Variants in C8orf34 observed in about 807,000 individuals in gnomAD.
The protein encoded by C8orf34 is chromosome 8 open reading frame 34.
C8orf34 carries 65 observed loss-of-function variants against 68.3 expected under a neutral mutation model. That is an observed-to-expected ratio of 0.95 (90% CI 0.78 to 1.17). C8orf34 has a LOEUF of 1.17. Ranked by LOEUF, C8orf34 falls within the 50% of genes most tolerant of loss-of-function variation. The pLI is 0.00. For synonymous variants in C8orf34, 244 were observed against 241.2 expected (o/e 1.01, Z -0.11); for missense variants, 664 against 655.4 (o/e 1.01, Z -0.14).
In C8orf34 at chr8:68,488,048, T is replaced by C. The variant is rs1159639052; in HGVS notation, c.762T>C (p.Asp254=). The change falls in exon 5 of 14, where the codon GAT becomes GAC. Residue 254 remains aspartate (D), a synonymous_variant. Coordinates refer to ENST00000518698, the MANE Select transcript of C8orf34 (RefSeq NM_052958.4). ...SRSIAISDEL[D]KETVTFNSSL... is the part of the protein sequence containing the mutation. Reference sequence around the variant, plus strand: ...GTATTGCAATTTCAGATGAACTCGATAAGGTAAGTTGAACTATACATCTGG... The same window carrying C: ...GTATTGCAATTTCAGATGAACTCGACAAGGTAAGTTGAACTATACATCTGG... The C allele has an allele frequency of 6.9e-6, 11 of 1,592,038 alleles. No homozygotes were observed. The highest frequency in any genetic ancestry group is 2.7e-5 in the African/African-American group (2 of 73,982).
At chr8:68,478,299 C>T (rs973347434) in intron 4 of C8orf34, among the ~76,000 whole-genome samples, 1 of 152,172 alleles carries the variant, frequency 6.6e-6, no homozygotes, top group Admixed American at 6.5e-5. Flanking sequence ...GTGACCTTTG[C>T]TCCAGTTCCC....
chr8:68,351,705 T>C (rs1374761780), intron 1 of C8orf34, among the ~76,000 whole-genome samples: 1 of 152,086 alleles, frequency 6.6e-6, no homozygotes, highest in East Asian at 1.9e-4. Flanking sequence ...TCAATTCCTT[T>C]GGGTAAATAC....
At chr8:68,355,888 G>T (rs973472242) in intron 1 of C8orf34, among the ~76,000 whole-genome samples, 4 of 152,052 alleles carry the variant, frequency 2.6e-5, no homozygotes, top group African/African-American at 9.7e-5. Context: ...CCCTTAAATA[G>T]CACACACAAC....
intron 1 of C8orf34, among the ~76,000 whole-genome samples, chr8:68,362,589 G>A (rs1272118472): frequency 6.6e-6 from 1 of 152,152 alleles, no homozygotes; most frequent in African/African-American, 2.4e-5. Context: ...GTGGGTCCCT[G>A]ACCCCCGAGC....
chr8:68,497,094 T>C (rs113919557), intron 5 of C8orf34, among the ~76,000 whole-genome samples: 4,036 of 152,236 alleles, frequency 0.027, 193 homozygotes, highest in African/African-American at 0.092. Flanking sequence ...ACTTGGAAAG[T>C]GACAACCCAA....
intron 5 of C8orf34, among the ~76,000 whole-genome samples, chr8:68,503,832 A>G (rs909230785): frequency 1.4e-4 from 21 of 152,044 alleles, no homozygotes. Flanking sequence ...CCAAGTCCAT[A>G]CTATAGTGTT....
chr8:68,572,487 AT>A (rs1280209709), intron 7 of C8orf34, among the ~76,000 whole-genome samples: 6 of 151,372 alleles, frequency 4.0e-5, no homozygotes, highest in Non-Finnish European at 7.4e-5. Context: ...GAATATATAT[AT>A]TTTAATATAA....
At chr8:68,637,230 C>T (rs1818873056) in intron 7 of C8orf34, among the ~76,000 whole-genome samples, 1 of 152,042 alleles carries the variant, frequency 6.6e-6, no homozygotes, top group Non-Finnish European at 1.5e-5. Context: ...TAGTTTCTGC[C>T]AGCATTAGTG....
At chr8:68,748,772 C>G (rs531070674) in intron 10 of C8orf34, among the ~76,000 whole-genome samples, 6 of 152,306 alleles carry the variant, frequency 3.9e-5, no homozygotes, top group Admixed American at 3.3e-4. Flanking sequence ...AATAGGAACA[C>G]TTCTACACTG....
chr8:68,645,257 G>A (rs1241830441), intron 8 of C8orf34, among the ~76,000 whole-genome samples: 1 of 152,108 alleles, frequency 6.6e-6, no homozygotes, highest in Non-Finnish European at 1.5e-5. Flanking sequence ...ATTTCCAAGG[G>A]CGAGTGGGAA....
intron 7 of C8orf34, among the ~76,000 whole-genome samples, chr8:68,636,731 A>G (rs1161283657): frequency 6.6e-6 from 1 of 152,182 alleles, no homozygotes; most frequent in Non-Finnish European, 1.5e-5. Flanking sequence ...ATCCTTAGTC[A>G]ATCATATCAC....
chr8:68,675,580 C>G (rs991884832), intron 8 of C8orf34, among the ~76,000 whole-genome samples: 1 of 141,592 alleles, frequency 7.1e-6, no homozygotes, highest in East Asian at 2.0e-4. Context: ...AAAAAAAAAA[C>G]ACACACAAAA....
intron 1 of C8orf34, among the ~76,000 whole-genome samples, chr8:68,362,680 G>T (rs985700843): frequency 2.2e-4 from 34 of 152,126 alleles, no homozygotes; most frequent in African/African-American, 7.9e-4. Flanking sequence ...TGCAGCTGAG[G>T]GTCCTGTCTG....
chr8:68,439,677 G>T (rs769660504), intron 2 of C8orf34, 31 bp downstream of exon 2: 2 of 1,582,062 alleles, frequency 1.3e-6, no homozygotes, highest in East Asian at 2.3e-5. Flanking sequence ...CAGTTAATTT[G>T]GGATTCATTT....
intron 1 of C8orf34, among the ~76,000 whole-genome samples, chr8:68,408,320 A>G (rs1479596853): frequency 1.3e-5 from 2 of 151,440 alleles, no homozygotes; most frequent in African/African-American, 2.4e-5. Flanking sequence ...TTATTGTATT[A>G]TATATTATAA....
chr8:68,766,499 A>G (rs1008854269), intron 10 of C8orf34, among the ~76,000 whole-genome samples: 7 of 152,198 alleles, frequency 4.6e-5, no homozygotes, highest in African/African-American at 9.6e-5. Flanking sequence ...AAAATTGCTA[A>G]CTGATTTTTA....
chr8:68,792,354 C>G (rs974749458), intron 12 of C8orf34: 8 of 152,048 alleles, frequency 5.3e-5, no homozygotes, highest in Non-Finnish European at 1.2e-4. Context: ...GGGCAGATCA[C>G]GAGGTCAGGA....
chr8:68,813,141 A>T (rs965898289), intron 12 of C8orf34, among the ~76,000 whole-genome samples: 1 of 152,116 alleles, frequency 6.6e-6, no homozygotes, highest in Non-Finnish European at 1.5e-5. Flanking sequence ...CCATAATATT[A>T]TGTTTATTTT....
chr8:68,802,225 C>T (rs368360754), intron 12 of C8orf34, among the ~76,000 whole-genome samples: 3 of 151,994 alleles, frequency 2.0e-5, no homozygotes, highest in Admixed American at 6.6e-5. Flanking sequence ...CTCAGCCTCC[C>T]GAGTAGCTGG....
Sources: gnomAD v4.1 joint callset for allele counts (sites outside exome capture counted in the v4.1 genomes callset) on GRCh38, gnomAD v4.1.1 for gene constraint, MANE v1.5 for transcripts, NCBI Gene and HGNC (gene_info 2026-07-23, HGNC 2026-07-21) for gene names.